The following OLFM3 variants were observed in gnomAD, a reference collection of about 807,000 sequenced individuals.
OLFM3 encodes olfactomedin 3.
Under a neutral mutation model 48.6 loss-of-function variants are expected in OLFM3, and 20 were observed. The observed-to-expected ratio is 0.41, with a 90% confidence interval of 0.29 to 0.60. OLFM3 has a LOEUF of 0.60. Among genes scored for constraint, OLFM3 ranks in the 20% least tolerant of loss-of-function variants. The pLI, the probability that OLFM3 is intolerant of heterozygous loss-of-function variation, is 0.28. For missense variants in OLFM3, 437 were observed against 544.3 expected (o/e 0.80, Z 1.96); for synonymous variants, 222 against 198.1 (o/e 1.12, Z -1.01).
Position 101,879,351 on chromosome 1 carries a change from A to G in OLFM3, c.70-42326T>C, listed in dbSNP as rs1422382558. Reference sequence around the variant, plus strand: ...TCTTCTTATTCTTGATCATACCACTATCACATAAATGAGAAATTATTCCTT... The same window carrying G: ...TCTTCTTATTCTTGATCATACCACTGTCACATAAATGAGAAATTATTCCTT... On this transcript the variant is annotated intron_variant, in intron 1 of 5. Coordinates refer to ENST00000370103, the MANE Select transcript of OLFM3 (RefSeq NM_058170.4). 3.3e-5 allele frequency among the ~76,000 whole-genome samples: 5 copies of G among 151,902 alleles called. No homozygotes were observed. In the East Asian group the frequency reaches 7.7e-4, roughly 24 times the overall value.
intron 1 of OLFM3, among the ~76,000 whole-genome samples, chr1:101,942,035 A>G (rs1659811832): frequency 6.6e-6 from 1 of 152,216 alleles, no homozygotes; most frequent in Non-Finnish European, 1.5e-5. Context: ...AGATATGAAA[A>G]CACACCCTAG....
chr1:101,981,129 T>G (rs1661094507), intron 1 of OLFM3, among the ~76,000 whole-genome samples: 1 of 152,186 alleles, frequency 6.6e-6, no homozygotes, highest in African/African-American at 2.4e-5. Flanking sequence ...AAAGCTGTCC[T>G]CCTTGCTGCT....
intron 1 of OLFM3, among the ~76,000 whole-genome samples, chr1:101,846,197 G>T (rs1351578676): frequency 6.6e-6 from 1 of 152,174 alleles, no homozygotes. Flanking sequence ...TTAGATGAAT[G>T]AAGATTATAC....
intron 1 of OLFM3, among the ~76,000 whole-genome samples, chr1:101,952,716 T>A (rs1557743898): frequency 6.6e-6 from 1 of 152,096 alleles, no homozygotes. Context: ...CACTTACCAA[T>A]GAGCATTCAT....
At chr1:101,851,622 G>A (rs6691252) in intron 1 of OLFM3, among the ~76,000 whole-genome samples, 4,997 of 152,154 alleles carry the variant, frequency 0.033, 286 homozygotes, top group African/African-American at 0.11. Context: ...GGGGCTAATA[G>A]TCCAATTCAA....
At chr1:101,843,424 C>T (rs550569680) in intron 1 of OLFM3, among the ~76,000 whole-genome samples, 4 of 152,160 alleles carry the variant, frequency 2.6e-5, no homozygotes, top group African/African-American at 4.8e-5. Flanking sequence ...ATTCAAGAGA[C>T]GCGCCAGAGG....
chr1:101,901,727 G>A (rs1658393683), intron 1 of OLFM3, among the ~76,000 whole-genome samples: 1 of 151,962 alleles, frequency 6.6e-6, no homozygotes, highest in African/African-American at 2.4e-5. Context: ...TTGACTATGG[G>A]GCAATTGCAA....
At chr1:101,817,964 G>A (rs1009629387) in intron 4 of OLFM3, among the ~76,000 whole-genome samples, 8 of 152,058 alleles carry the variant, frequency 5.3e-5, no homozygotes, top group Admixed American at 4.6e-4. Context: ...TATTTAAAAT[G>A]TTGTATTGGA....
chr1:101,837,367 T>C (rs10493971), intron 1 of OLFM3, among the ~76,000 whole-genome samples: 47,642 of 152,034 alleles, frequency 0.31, 7,897 homozygotes, highest in Admixed American at 0.43. Flanking sequence ...ATGACTCGTC[T>C]TTCTACATAA....
intron 1 of OLFM3, among the ~76,000 whole-genome samples, chr1:101,900,956 A>G (rs1386072956): frequency 6.6e-6 from 1 of 152,128 alleles, no homozygotes; most frequent in African/African-American, 2.4e-5. Flanking sequence ...GTGAAATGCA[A>G]TAATTGGTTA....
intron 1 of OLFM3, among the ~76,000 whole-genome samples, chr1:101,887,359 T>G (rs976685100): frequency 1.3e-5 from 2 of 152,060 alleles, no homozygotes; most frequent in Non-Finnish European, 2.9e-5. Flanking sequence ...TCCTAGATAT[T>G]TATAATAAAA....
intron 1 of OLFM3, among the ~76,000 whole-genome samples, chr1:101,943,306 G>T (rs1274333459): frequency 6.6e-6 from 1 of 152,174 alleles, no homozygotes; most frequent in Non-Finnish European, 1.5e-5. Context: ...TTCAGCCTGG[G>T]CTATGAGCTT....
intron 1 of OLFM3, among the ~76,000 whole-genome samples, chr1:101,872,612 T>A (rs751889581): frequency 5.3e-5 from 8 of 152,046 alleles, no homozygotes; most frequent in Non-Finnish European, 1.0e-4. Context: ...TCAGTTGTTC[T>A]GGTTCAATCT....
At chr1:101,928,378 A>G (rs1407549724) in intron 1 of OLFM3, among the ~76,000 whole-genome samples, 1 of 151,910 alleles carries the variant, frequency 6.6e-6, no homozygotes, top group Non-Finnish European at 1.5e-5. Context: ...ATGACTTAAC[A>G]CATTTTGAAT....
At chr1:101,938,192 T>C (rs1659681298) in intron 1 of OLFM3, among the ~76,000 whole-genome samples, 1 of 152,226 alleles carries the variant, frequency 6.6e-6, no homozygotes, top group Non-Finnish European at 1.5e-5. Context: ...ATCAGAGATA[T>C]AATTCCTAAA....
intron 1 of OLFM3, among the ~76,000 whole-genome samples, chr1:101,845,187 A>C (rs1168945296): frequency 6.6e-6 from 1 of 151,570 alleles, no homozygotes; most frequent in South Asian, 2.1e-4. Flanking sequence ...TCTTATTATT[A>C]TTATTTTTTT....
rs55966761 is a variant in OLFM3, at chr1:101,805,919, C to T, written c.699+157G>A. ...TACTAAAATAGATTTGTCATTCTTTCGTAGATATGTTAATATTATCAAACA... is the reference window on the plus strand; with the variant it reads ...TACTAAAATAGATTTGTCATTCTTTTGTAGATATGTTAATATTATCAAACA... On this transcript the variant is annotated intron_variant, in intron 5 of 5. Coordinates refer to ENST00000370103, the MANE Select transcript of OLFM3 (RefSeq NM_058170.4). 8.5e-3 allele frequency among the ~76,000 whole-genome samples: 1,285 copies of T among 151,738 alleles called. 10 individuals carry two copies. The highest frequency in any genetic ancestry group is 0.029 in the African/African-American group (1,204 of 41,408).
intron 1 of OLFM3, among the ~76,000 whole-genome samples, chr1:101,931,170 A>G (rs1390791948): frequency 1.3e-5 from 2 of 152,196 alleles, no homozygotes; most frequent in Non-Finnish European, 2.9e-5. Flanking sequence ...CTGTAGTTCA[A>G]TAATAAGCTC....
At chr1:101,846,165 G>A (rs1655982794) in intron 1 of OLFM3, among the ~76,000 whole-genome samples, 1 of 152,172 alleles carries the variant, frequency 6.6e-6, no homozygotes, top group South Asian at 2.1e-4. Flanking sequence ...AGAAAGTAGG[G>A]AGGATTAAAA....
Sources: allele counts gnomAD v4.1 joint callset (sites outside exome capture counted in the v4.1 genomes callset), GRCh38; gene constraint gnomAD v4.1.1; transcripts MANE v1.5; gene names NCBI Gene and HGNC (gene_info 2026-07-23, HGNC 2026-07-21).